The following TCF7L1 variants were observed in gnomAD, a reference collection of about 807,000 sequenced individuals.
The protein encoded by TCF7L1 is transcription factor 7-like 1.
A neutral mutation model predicts 63.7 loss-of-function variants in TCF7L1; 18 were observed. The ratio of observed to expected loss-of-function variants is 0.28; its 90% CI spans 0.20 to 0.42. The LOEUF (loss-of-function observed/expected upper bound fraction) is 0.42. Among genes scored for constraint, TCF7L1 ranks in the 10% least tolerant of loss-of-function variants. The pLI, the probability that TCF7L1 is intolerant of heterozygous loss-of-function variation, is 1.00. For missense variants in TCF7L1, 654 were observed against 779.3 expected (o/e 0.84, Z 1.91); for synonymous variants, 355 against 340.9 (o/e 1.04, Z -0.46).
chr2:85,175,088 G>A (rs905931461), intron 3 of TCF7L1, among the ~76,000 whole-genome samples: 9 of 152,156 alleles, frequency 5.9e-5, no homozygotes, highest in African/African-American at 1.9e-4. Context: ...TGGCCCGCCC[G>A]GCGCAGCTCA....
chr2:85,281,269 C>T (rs1351783912), intron 3 of TCF7L1, among the ~76,000 whole-genome samples: 7 of 152,086 alleles, frequency 4.6e-5, no homozygotes, highest in African/African-American at 1.7e-4. Flanking sequence ...GAATGATTTG[C>T]CCACCTTGGC....
chr2:85,175,057 G>T (rs1408396246), intron 3 of TCF7L1, among the ~76,000 whole-genome samples: 1 of 152,204 alleles, frequency 6.6e-6, no homozygotes, highest in African/African-American at 2.4e-5. Flanking sequence ...CACAGGCAGC[G>T]CCATGTGACA....
intron 3 of TCF7L1, chr2:85,262,034 C>G (rs1225076482): frequency 1.9e-6 from 1 of 527,622 alleles, no homozygotes; most frequent in East Asian, 5.1e-5. Flanking sequence ...CTTCATTGAT[C>G]ATTTCTAGCT....
At chr2:85,179,608 TG>T (rs1423966116) in intron 3 of TCF7L1, among the ~76,000 whole-genome samples, 1 of 152,170 alleles carries the variant, frequency 6.6e-6, no homozygotes, top group African/African-American at 2.4e-5. Flanking sequence ...GGCTAAGTCC[TG>T]GAGCTGAGCT....
At chr2:85,182,927 A>T (rs889370351) in intron 3 of TCF7L1, among the ~76,000 whole-genome samples, 4 of 152,098 alleles carry the variant, frequency 2.6e-5, no homozygotes, top group African/African-American at 9.7e-5. Context: ...CATTGCCAAC[A>T]AGTTCTCAGA....
intron 4 of TCF7L1, among the ~76,000 whole-genome samples, chr2:85,300,647 A>G (rs1681949649): frequency 6.6e-6 from 1 of 152,164 alleles, no homozygotes; most frequent in Admixed American, 6.5e-5. Context: ...AGTTTGCATT[A>G]TGAGTACCAA....
At chr2:85,210,393 G>C (rs1266805433) in intron 3 of TCF7L1, among the ~76,000 whole-genome samples, 1 of 152,218 alleles carries the variant, frequency 6.6e-6, no homozygotes, top group Non-Finnish European at 1.5e-5. Context: ...GTTGGTGCTA[G>C]GTAGACAAGT....
chr2:85,136,687 G>A (rs1271072124), intron 3 of TCF7L1, among the ~76,000 whole-genome samples: 1 of 152,184 alleles, frequency 6.6e-6, no homozygotes, highest in Non-Finnish European at 1.5e-5. Flanking sequence ...GTCTCTGTGT[G>A]CCTTTCGCTG....
chr2:85,204,831 A>G (rs991696303), intron 3 of TCF7L1: 2 of 149,078 alleles, frequency 1.3e-5, no homozygotes, highest in Admixed American at 6.7e-5. Context: ...CCTCATTTAA[A>G]TTTTTTTTTT....
intron 3 of TCF7L1, among the ~76,000 whole-genome samples, chr2:85,164,641 A>G (rs958376162): frequency 6.6e-6 from 1 of 152,216 alleles, no homozygotes; most frequent in Non-Finnish European, 1.5e-5. Flanking sequence ...GAAAGAAATT[A>G]CATTTTATTT....
At position 85,152,435 on chromosome 2, in the gene TCF7L1, C is replaced by CTTTTTT. The variant is rs67994195; in HGVS notation, c.441+17986_441+17987insTTTTTT. Among the ~76,000 whole-genome samples the CTTTTTT allele has an allele frequency of 6.1e-5, 8 of 131,346 alleles. 1 individual carries two copies. The highest frequency in any genetic ancestry group is 5.8e-5 in the African/African-American group (2 of 34,246). 86.2% of individuals were successfully genotyped at this position (131,346 alleles called of 152,430 possible). Reference sequence around the variant, plus strand: ...TAAAAGGATATACCATTCTCTCTCTCTCTTTTTTTTTTTTTTTGAGACAGA... The same window carrying CTTTTTT: ...TAAAAGGATATACCATTCTCTCTCTCTTTTTTTCTTTTTTTTTTTTTTTGAGACAGA... On this transcript the variant is annotated intron_variant, in intron 3 of 11. Transcript: ENST00000282111.
chr2:85,255,388 T>A (rs1236847887), intron 3 of TCF7L1, among the ~76,000 whole-genome samples: 1 of 152,132 alleles, frequency 6.6e-6, no homozygotes, highest in Non-Finnish European at 1.5e-5. Flanking sequence ...CTGTTGTGTT[T>A]CCAAGTTCAT....
At chr2:85,263,733 G>A (rs945289388) in intron 3 of TCF7L1, among the ~76,000 whole-genome samples, 2 of 152,224 alleles carry the variant, frequency 1.3e-5, no homozygotes, top group African/African-American at 4.8e-5. Context: ...AGATGAGGAG[G>A]AAGGCTGGAG....
intron 3 of TCF7L1, among the ~76,000 whole-genome samples, chr2:85,238,185 A>C (rs796570174): frequency 2.6e-5 from 4 of 152,296 alleles, no homozygotes; most frequent in African/African-American, 9.6e-5. Context: ...CTAACAGTCC[A>C]TAAGTGCATG....
chr2:85,286,244 A>G (rs565679000), intron 4 of TCF7L1, among the ~76,000 whole-genome samples: 1 of 151,312 alleles, frequency 6.6e-6, no homozygotes, highest in Non-Finnish European at 1.5e-5. Context: ...AATCCCAGCT[A>G]TTTGTGAGGC....
At chr2:85,184,822 C>T (rs1328421322) in intron 3 of TCF7L1, among the ~76,000 whole-genome samples, 1 of 152,196 alleles carries the variant, frequency 6.6e-6, no homozygotes, top group Non-Finnish European at 1.5e-5. Context: ...TCTACCTGGG[C>T]TAGGTCTTTG....
intron 3 of TCF7L1, among the ~76,000 whole-genome samples, chr2:85,272,641 A>G (rs1309708469): frequency 6.6e-6 from 1 of 152,194 alleles, no homozygotes; most frequent in Middle Eastern, 3.4e-3. Context: ...CAAAAAAAAA[A>G]AAAATTAGCC....
chr2:85,269,457 TTTTG>T (rs1425654588), intron 3 of TCF7L1, among the ~76,000 whole-genome samples: 1 of 152,160 alleles, frequency 6.6e-6, no homozygotes, highest in Non-Finnish European at 1.5e-5. Context: ...GTATTTATAA[TTTTG>T]TTTGTTTGGC....
intron 3 of TCF7L1, among the ~76,000 whole-genome samples, chr2:85,156,771 A>G (rs755301594): frequency 6.6e-5 from 10 of 152,320 alleles, no homozygotes; most frequent in Admixed American, 3.3e-4. Flanking sequence ...CTGTGTGTGT[A>G]TGTGTATACG....
Sources: gnomAD v4.1 joint callset for allele counts (sites outside exome capture counted in the v4.1 genomes callset) on GRCh38, gnomAD v4.1.1 for gene constraint, MANE v1.5 for transcripts, NCBI Gene and HGNC (gene_info 2026-07-23, HGNC 2026-07-21) for gene names.